FER1L5: variants seen among roughly 807,000 people sequenced by gnomAD.
FER1L5 encodes the protein fer-1 like family member 5.
Under a neutral mutation model 279.9 loss-of-function variants are expected in FER1L5, and 187 were observed. That is an observed-to-expected ratio of 0.67 (90% confidence interval 0.59 to 0.75). The LOEUF is 0.75. FER1L5 is among the 30% of genes least tolerant of loss of function. The pLI is 0.00. For synonymous variants in FER1L5, 921 were observed against 989.7 expected (o/e 0.93, Z 1.30); for missense variants, 2,091 against 2,594.4 (o/e 0.81, Z 4.21).
chr2:96,699,545 C>T lies in FER1L5; in HGVS notation c.4611-5C>T. On this transcript the variant is annotated splice_polypyrimidine_tract_variant and splice_region_variant and intron_variant, in intron 42 of 52. Transcript: ENST00000624922. ...CCTCTGCAGTCTCCAACACCTCACCCCTAGGATGTTTGAACTCACCTGCAA... is the reference window on the plus strand; with the variant it reads ...CCTCTGCAGTCTCCAACACCTCACCTCTAGGATGTTTGAACTCACCTGCAA... The T allele has an allele frequency of 5.6e-6, 9 of 1,612,828 alleles. No individual in the cohort carries two copies. Among genetic ancestry groups the T allele is most frequent in the Non-Finnish European group, 6.8e-6 (8 of 1,179,236 alleles).
In FER1L5 at chr2:96,670,175, G is replaced by A. The variant is rs2076271926; in HGVS notation, c.1419G>A (p.Glu473=). The part of the protein sequence containing the change: ...GLAYRGRVFL[E]LITQIKSYQD... ...CTTATCGAGGCCGAGTCTTCCTGGA[G>A]TTAATCACCCAAATCAAGTCCTATC... Residue 473 remains glutamate, a synonymous_variant, in exon 18 of 53, where the codon GAG becomes GAA. Transcript: ENST00000624922. 6.4e-7 allele frequency: 1 copy of A among 1,551,626 alleles called. No homozygotes were observed. The highest frequency in any genetic ancestry group is 8.7e-7 in the Non-Finnish European group (1 of 1,146,974).
chr2:96,643,057 GCT>G, intron 1 of FER1L5, 136 bp downstream of exon 1: 1 of 696,988 alleles, frequency 1.4e-6, no homozygotes, highest in Non-Finnish European at 2.3e-6. Flanking sequence ...ACGTTGTCCA[GCT>G]CTCTCAAAAC....
At chr2:96,662,310 A>G (rs1049488187) in intron 13 of FER1L5, 43 bp downstream of exon 13, 2 of 1,541,152 alleles carry the variant, frequency 1.3e-6, no homozygotes, top group Non-Finnish European at 1.8e-6. Context: ...ATTGGCATCT[A>G]GAGAAAGTAG....
At chr2:96,683,828 C>T (rs1357041772) in intron 19 of FER1L5, among the ~76,000 whole-genome samples, 1 of 152,208 alleles carries the variant, frequency 6.6e-6, no homozygotes, top group Admixed American at 6.5e-5. Flanking sequence ...GTTCAGAATC[C>T]TCTACGTTTG....
At chr2:96,644,469 A>G (rs961079004) in intron 1 of FER1L5, among the ~76,000 whole-genome samples, 9 of 152,070 alleles carry the variant, frequency 5.9e-5, no homozygotes, top group Admixed American at 4.6e-4. Flanking sequence ...GCGAAAAAGC[A>G]AGAGTCTGTC....
intron 37 of FER1L5, among the ~76,000 whole-genome samples, chr2:96,696,878 C>A (rs1374783493): frequency 1.3e-5 from 2 of 152,162 alleles, no homozygotes; most frequent in Non-Finnish European, 2.9e-5. Flanking sequence ...GCACTCCAGC[C>A]TAGGCAACAG....
At chr2:96,687,777 G>T in intron 23 of FER1L5, 39 bp from the exon 24 acceptor site, 2 of 1,548,426 alleles carry the variant, frequency 1.3e-6, no homozygotes, top group Non-Finnish European at 1.7e-6. Context: ...CGTTCAGGGT[G>T]TTTAGTGCCC....
chr2:96,651,477 C>A (rs2075379563), intron 6 of FER1L5, among the ~76,000 whole-genome samples: 1 of 145,626 alleles, frequency 6.9e-6, no homozygotes, highest in South Asian at 2.2e-4. Context: ...CCGTCCCTCC[C>A]TCCCTCCCTT....
At chr2:96,680,766 C>T (rs965009649) in intron 19 of FER1L5, among the ~76,000 whole-genome samples, 3 of 152,204 alleles carry the variant, frequency 2.0e-5, no homozygotes, top group East Asian at 1.9e-4. Flanking sequence ...AGCAAACATG[C>T]CCTTGTAATA....
chr2:96,686,088 C>T lies in FER1L5; in HGVS notation c.2044C>T (p.Leu682=). ...CATGGTGGCCACAGCGGAGGACTGG[C>T]TGTACCGCCTCAACACCGTGCTCCC... ...KDMVATAEDW[L]YRLNTVLPEP... is the part of the protein sequence containing the mutation. Residue 682 remains leucine (L), a synonymous_variant, in exon 22 of 53, where the codon CTG becomes TTG. Coordinates refer to ENST00000624922, the MANE Select transcript of FER1L5 (RefSeq NM_001293083.2). The T allele has an allele frequency of 1.9e-6, 3 of 1,551,328 alleles. No individual in the cohort carries two copies. Among genetic ancestry groups the T allele is most frequent in the Non-Finnish European group, 2.6e-6 (3 of 1,146,814 alleles).
chr2:96,665,650 G>T (rs768378243), intron 14 of FER1L5, among the ~76,000 whole-genome samples: 9 of 151,478 alleles, frequency 5.9e-5, no homozygotes, highest in Non-Finnish European at 1.2e-4. Flanking sequence ...TGTCACCCAG[G>T]CTGGAGTGCA....
intron 1 of FER1L5, among the ~76,000 whole-genome samples, chr2:96,645,624 C>G (rs913062601): frequency 6.6e-6 from 1 of 151,884 alleles, no homozygotes; most frequent in Non-Finnish European, 1.5e-5. Flanking sequence ...CCTGTCTCTA[C>G]AAAAAATACA....
rs2077307849 is a variant in FER1L5 at position 96,694,944 on chromosome 2, AC to A, written c.3741+481del. 1 of 155,012 alleles carries A rather than the reference AC, an allele frequency of 6.5e-6. No homozygotes were observed. Among genetic ancestry groups the A allele is most frequent in the Admixed American group, 6.5e-5 (1 of 15,354 alleles). The allele number at this position is 155,012 out of a possible 1,614,324, so 9.6% of individuals were successfully genotyped here. A position where few individuals can be genotyped will look rare whatever the true frequency, so the allele number is the denominator to read the frequency against. ...CCGCAAATGTGGCAAAGAGCACAAG[AC>A]GGTCAGGCCTCTGGGACTGAAGGCT... is the stretch of plus-strand genomic sequence containing the variant. On this transcript the variant is annotated intron_variant, in intron 34 of 52. Coordinates refer to ENST00000624922, the MANE Select transcript of FER1L5 (RefSeq NM_001293083.2). The surrounding 1 kb of genome is among the most constrained non-coding windows in gnomAD (Gnocchi z 4.6).
At chr2:96,701,103 AG>A (rs1194496588) in intron 45 of FER1L5, among the ~76,000 whole-genome samples, 1 of 152,192 alleles carries the variant, frequency 6.6e-6, no homozygotes, top group Admixed American at 6.5e-5. Context: ...ACTTGAGGCC[AG>A]GAGTTTGAGA....
At chr2:96,672,730 G>A (rs2076373993) in intron 18 of FER1L5, among the ~76,000 whole-genome samples, 1 of 152,032 alleles carries the variant, frequency 6.6e-6, no homozygotes, top group Non-Finnish European at 1.5e-5. Flanking sequence ...TGTCTTCTGG[G>A]GGAAAGGGTT....
intron 19 of FER1L5, among the ~76,000 whole-genome samples, chr2:96,678,687 C>A (rs2076602851): frequency 6.6e-6 from 1 of 152,220 alleles, no homozygotes; most frequent in Non-Finnish European, 1.5e-5. Context: ...CCCACCTTGG[C>A]CTCCCAAAGT....
chr2:96,681,313 T>C (rs11894603), intron 19 of FER1L5, among the ~76,000 whole-genome samples: 13,026 of 152,102 alleles, frequency 0.086, 1,723 homozygotes, highest in African/African-American at 0.28. Flanking sequence ...TGCCACTGCA[T>C]TGCAGCCTGG....
chr2:96,643,922 A>G (rs1028796518), intron 1 of FER1L5, among the ~76,000 whole-genome samples: 3 of 152,070 alleles, frequency 2.0e-5, no homozygotes, highest in African/African-American at 7.2e-5. Flanking sequence ...CTGTAATCCC[A>G]GCACTTTGGG....
intron 1 of FER1L5, 103 bp from the exon 2 acceptor site, chr2:96,646,298 G>A (rs535494649): frequency 1.2e-4 from 151 of 1,295,746 alleles, no homozygotes; most frequent in Non-Finnish European, 1.4e-4. Context: ...ATGCCCGGCC[G>A]ACTTGAAGTT....
Sources: gnomAD v4.1 joint callset for allele counts (sites outside exome capture counted in the v4.1 genomes callset) on GRCh38, gnomAD v4.1.1 for gene constraint, Gnocchi (gnomAD v3.1) non-coding constraint, MANE v1.5 for transcripts, NCBI Gene and HGNC (gene_info 2026-07-23, HGNC 2026-07-21) for gene names.